The following MAP2K4 variants were observed in gnomAD, a reference collection of about 807,000 sequenced individuals.
MAP2K4 encodes the protein dual specificity mitogen-activated protein kinase kinase 4.
A neutral mutation model predicts 48.5 loss-of-function variants in MAP2K4; 4 were observed. The ratio of observed to expected loss-of-function variants is 0.08; its 90% CI spans 0.04 to 0.19. The LOEUF is 0.19. MAP2K4 is among the 10% of genes least tolerant of loss of function. MAP2K4 has a pLI of 1.00. For synonymous variants in MAP2K4, 166 were observed against 173.1 expected (o/e 0.96, Z 0.32); for missense variants, 258 against 493.3 (o/e 0.52, Z 4.52).
chr17:12,037,821 C>T (rs1352340562), intron 1 of MAP2K4, among the ~76,000 whole-genome samples: 1 of 151,988 alleles, frequency 6.6e-6, no homozygotes, highest in African/African-American at 2.4e-5. Flanking sequence ...TGGTATATTC[C>T]AGAGTCAGGA....
intron 2 of MAP2K4, among the ~76,000 whole-genome samples, chr17:12,064,709 C>T (rs1970558401): frequency 6.6e-6 from 1 of 152,122 alleles, no homozygotes; most frequent in African/African-American, 2.4e-5. Flanking sequence ...GCAGTCCTAC[C>T]TTTTGTTATT....
rs1339716980 is a variant in MAP2K4, at chr17:12,020,961, G to A, written c.75G>A (p.Gly25=). 2 of 1,215,448 alleles carry A rather than the reference G, an allele frequency of 1.6e-6. No homozygotes were observed. Among genetic ancestry groups the A allele is most frequent in the African/African-American group, 1.6e-5 (1 of 63,730 alleles). 75.3% of individuals were successfully genotyped at this position (1,215,448 alleles called of 1,614,324 possible). A position where few individuals can be genotyped will look rare whatever the true frequency, so the allele number is the denominator to read the frequency against. ...GCAGCGGCACCCCCGGCCCCGTAGG[G>A]TCCCCGGCGCCAGGCCACCCGGCCG... ...GSGSGTPGPV[G]SPAPGHPAVS... is the part of the protein sequence containing the mutation. The change falls in exon 1 of 11, where the codon GGG becomes GGA. Residue 25 remains glycine (G), a synonymous_variant. Coordinates refer to ENST00000353533, the MANE Select transcript of MAP2K4 (RefSeq NM_003010.4).
At chr17:12,123,570 G>T (rs1293028240) in intron 7 of MAP2K4, among the ~76,000 whole-genome samples, 2 of 151,672 alleles carry the variant, frequency 1.3e-5, no homozygotes, top group African/African-American at 4.8e-5. Context: ...TCTTCCTCCT[G>T]CTTGCTTTGT....
At chr17:12,074,488 T>G (rs993772860) in intron 2 of MAP2K4, among the ~76,000 whole-genome samples, 1 of 152,224 alleles carries the variant, frequency 6.6e-6, no homozygotes, top group African/African-American at 2.4e-5. Context: ...AAAATCCTTC[T>G]AACTACTTTA....
chr17:12,106,672 TAAC>T (rs1216121350), intron 4 of MAP2K4, among the ~76,000 whole-genome samples: 2 of 152,124 alleles, frequency 1.3e-5, no homozygotes, highest in Non-Finnish European at 1.5e-5. Flanking sequence ...TATAAATAAG[TAAC>T]AACATACAGA....
chr17:12,055,123 T>G (rs527492875), intron 2 of MAP2K4, 132 bp downstream of exon 2: 40 of 544,602 alleles, frequency 7.3e-5, no homozygotes, highest in Non-Finnish European at 1.2e-4. Flanking sequence ...TTGTTTATTC[T>G]TTTCCTTCTG....
intron 3 of MAP2K4, among the ~76,000 whole-genome samples, chr17:12,093,347 A>G (rs949409269): frequency 6.6e-6 from 1 of 152,186 alleles, no homozygotes; most frequent in Non-Finnish European, 1.5e-5. Flanking sequence ...AGATTGTCTC[A>G]GTGTTAGGTA....
intron 4 of MAP2K4, among the ~76,000 whole-genome samples, chr17:12,107,110 G>A (rs1972139527): frequency 6.6e-6 from 1 of 152,074 alleles, no homozygotes; most frequent in South Asian, 2.1e-4. Flanking sequence ...TTTAATTATA[G>A]CCAGCATCCA....
At chr17:12,050,745 C>G (rs1970115296) in intron 1 of MAP2K4, among the ~76,000 whole-genome samples, 3 of 152,112 alleles carry the variant, frequency 2.0e-5, no homozygotes, top group Admixed American at 2.0e-4. Context: ...TCTTTATCAT[C>G]TTGTTTTTAA....
intron 2 of MAP2K4, among the ~76,000 whole-genome samples, chr17:12,057,059 G>A (rs1356740726): frequency 3.9e-5 from 6 of 152,040 alleles, no homozygotes; most frequent in African/African-American, 1.4e-4. Flanking sequence ...CTTGGCATTT[G>A]ATGTCTCCTG....
chr17:12,090,791 A>G lies in MAP2K4; in HGVS notation c.394-4784A>G, dbSNP rs532466753. On this transcript the variant is annotated intron_variant, in intron 3 of 10. Coordinates refer to ENST00000353533, the MANE Select transcript of MAP2K4 (RefSeq NM_003010.4). ...ATAAATTAGTTTTCCTTGACAGTAT[A>G]TACTGCCTGTTTCTGTCCATCCTCT... 2.6e-5 allele frequency among the ~76,000 whole-genome samples: 4 copies of G among 152,310 alleles called. No homozygotes were observed. In the East Asian group the frequency reaches 7.7e-4, roughly 29 times the overall value.
chr17:12,132,651 ACCTTG>A, intron 9 of MAP2K4, among the ~76,000 whole-genome samples: 1 of 152,110 alleles, frequency 6.6e-6, no homozygotes, highest in South Asian at 2.1e-4. Context: ...CAAAAGGAAG[ACCTTG>A]CCGACTGAGG....
At chr17:12,095,304 G>C (rs1283979490) in intron 3 of MAP2K4, 3 of 434,706 alleles carry the variant, frequency 6.9e-6, no homozygotes, top group African/African-American at 4.0e-5. Flanking sequence ...TAAGAACTTT[G>C]TTGCATAACT....
At chr17:12,118,323 C>T (rs1276426124) in intron 7 of MAP2K4, among the ~76,000 whole-genome samples, 6 of 152,082 alleles carry the variant, frequency 3.9e-5, no homozygotes, top group Non-Finnish European at 5.9e-5. Flanking sequence ...AAAACTGTGA[C>T]GGGATGTATT....
At chr17:12,136,128 A>AT (rs1425558794) in intron 9 of MAP2K4, among the ~76,000 whole-genome samples, 30 of 152,216 alleles carry the variant, frequency 2.0e-4, no homozygotes, top group African/African-American at 7.0e-4. Flanking sequence ...AGCAAAAGCA[A>AT]ATCATTCAGC....
chr17:12,037,614 T>C (rs1400311625), intron 1 of MAP2K4, among the ~76,000 whole-genome samples: 2 of 138,394 alleles, frequency 1.4e-5, no homozygotes, highest in Non-Finnish European at 3.2e-5. Context: ...TGGAGGTTTA[T>C]ACAGTTTATA....
At chr17:12,092,932 A>C (rs1331860733) in intron 3 of MAP2K4, among the ~76,000 whole-genome samples, 3 of 152,196 alleles carry the variant, frequency 2.0e-5, no homozygotes, top group Admixed American at 6.5e-5. Context: ...AGGCTGAGGC[A>C]GAAGAATGGC....
intron 2 of MAP2K4, among the ~76,000 whole-genome samples, chr17:12,068,947 T>C (rs185918498): frequency 4.7e-4 from 72 of 152,122 alleles, no homozygotes; most frequent in African/African-American, 1.6e-3. Flanking sequence ...GAGAATGTAT[T>C]TTGATGAGAA....
At chr17:12,021,668 G>A (rs931468536) in intron 1 of MAP2K4, among the ~76,000 whole-genome samples, 2 of 150,514 alleles carry the variant, frequency 1.3e-5, no homozygotes, top group African/African-American at 4.9e-5. Flanking sequence ...TAGGTAGGCT[G>A]CATTGGCCTG....
Sources: allele counts gnomAD v4.1 joint callset (sites outside exome capture counted in the v4.1 genomes callset), GRCh38; gene constraint gnomAD v4.1.1; transcripts MANE v1.5; gene names NCBI Gene and HGNC (gene_info 2026-07-23, HGNC 2026-07-21).